PDZD2: variants seen among roughly 807,000 people sequenced by gnomAD.
PDZD2 encodes PDZ domain-containing protein 2.
A neutral mutation model predicts 220.7 loss-of-function variants in PDZD2; 90 were observed. The observed-to-expected ratio is 0.41, with a 90% CI of 0.34 to 0.49. The LOEUF is 0.49. Among genes scored for constraint, PDZD2 ranks in the 20% least tolerant of loss-of-function variants. The pLI, the probability that PDZD2 is intolerant of heterozygous loss-of-function variation, is 0.28. For missense variants in PDZD2, 3,174 were observed against 3,608.5 expected (o/e 0.88, Z 3.08); for synonymous variants, 1,375 against 1,450.5 (o/e 0.95, Z 1.18).
chr5:31,875,447 G>A (rs952995798), intron 2 of PDZD2, among the ~76,000 whole-genome samples: 5 of 151,664 alleles, frequency 3.3e-5, no homozygotes, highest in Admixed American at 2.0e-4. Flanking sequence ...TTAGCTGGGC[G>A]TGGTCGCTCA....
intron 2 of PDZD2, among the ~76,000 whole-genome samples, chr5:31,949,690 C>G (rs1380090640): frequency 1.6e-5 from 2 of 126,196 alleles, no homozygotes; most frequent in African/African-American, 3.0e-5. Context: ...TTTTTTTTAA[C>G]AAGACGGAAT....
chr5:31,779,866 T>C (rs1277678680), intron 1 of PDZD2, among the ~76,000 whole-genome samples: 1 of 152,100 alleles, frequency 6.6e-6, no homozygotes, highest in African/African-American at 2.4e-5. Flanking sequence ...CCATGATTAA[T>C]CTGTATTGTA....
chr5:31,648,100 T>G (rs1299183582), intron 1 of PDZD2, among the ~76,000 whole-genome samples: 1 of 152,228 alleles, frequency 6.6e-6, no homozygotes. Flanking sequence ...ACAACTGATA[T>G]TCATTGTTTT....
At chr5:32,031,283 G>C (rs1755094483) in intron 6 of PDZD2, among the ~76,000 whole-genome samples, 1 of 152,104 alleles carries the variant, frequency 6.6e-6, no homozygotes, top group African/African-American at 2.4e-5. Flanking sequence ...ATCAGACTCT[G>C]GAGTCTGTTG....
intron 1 of PDZD2, among the ~76,000 whole-genome samples, chr5:31,669,728 A>G (rs1428024893): frequency 6.6e-6 from 1 of 152,228 alleles, no homozygotes; most frequent in Non-Finnish European, 1.5e-5. Flanking sequence ...GGCTTTTTAC[A>G]TTCTACTCTT....
intron 2 of PDZD2, chr5:31,822,736 C>A (rs1278043359): frequency 1.7e-6 from 2 of 1,210,430 alleles, no homozygotes; most frequent in Non-Finnish European, 2.3e-6. Flanking sequence ...AGATACTGAA[C>A]AAGGAACACC....
chr5:31,812,466 T>A (rs1755181282), intron 2 of PDZD2, among the ~76,000 whole-genome samples: 1 of 152,118 alleles, frequency 6.6e-6, no homozygotes, highest in Non-Finnish European at 1.5e-5. Context: ...AACCCTCTTT[T>A]TTTTTTCTGT....
intron 1 of PDZD2, among the ~76,000 whole-genome samples, chr5:31,770,308 G>A (rs2150196950): frequency 6.6e-6 from 1 of 152,312 alleles, no homozygotes; most frequent in African/African-American, 2.4e-5. Context: ...TCCCAGGGCT[G>A]GGCTCAGAGA....
At chr5:32,107,932 T>C in intron 24 of PDZD2, 37 bp from the exon 25 acceptor site, 1 of 1,506,046 alleles carries the variant, frequency 6.6e-7, no homozygotes, top group Non-Finnish European at 9.1e-7. Flanking sequence ...ACTATGAAAC[T>C]GCCAAGCTAT....
chr5:32,021,641 C>G lies in PDZD2; in HGVS notation c.1407+11159C>G, dbSNP rs184005570. Among the ~76,000 whole-genome samples the G allele has an allele frequency of 1.2e-3, 190 of 152,272 alleles. 1 individual carries two copies. The highest frequency in any genetic ancestry group is 1.2e-3 in the Non-Finnish European group (82 of 68,024). ...AACTCCTCCACGCCTTCAGTAGTCT[C>G]TCCTTTCTCTGATTGCCAGTCTTAC... On this transcript the variant is annotated intron_variant, in intron 6 of 24. Coordinates refer to ENST00000438447, the MANE Select transcript of PDZD2 (RefSeq NM_178140.4).
chr5:31,914,032 T>C (rs562598159), intron 2 of PDZD2, among the ~76,000 whole-genome samples: 1 of 152,110 alleles, frequency 6.6e-6, no homozygotes, highest in Admixed American at 6.5e-5. Context: ...TGTCTGTAAC[T>C]CTTCAGTGGC....
intron 2 of PDZD2, among the ~76,000 whole-genome samples, chr5:31,962,105 G>GT (rs2111704949): frequency 6.6e-6 from 1 of 152,278 alleles, no homozygotes; most frequent in South Asian, 2.1e-4. Context: ...CCACACATTT[G>GT]TTTTTTGAAG....
chr5:31,948,372 G>C (rs1001081073), intron 2 of PDZD2, among the ~76,000 whole-genome samples: 3 of 152,124 alleles, frequency 2.0e-5, no homozygotes, highest in Non-Finnish European at 4.4e-5. Flanking sequence ...AGAATGGCAG[G>C]CTTTTCGACC....
chr5:31,898,671 C>T (rs1489561250), intron 2 of PDZD2, among the ~76,000 whole-genome samples: 1 of 152,178 alleles, frequency 6.6e-6, no homozygotes, highest in East Asian at 1.9e-4. Context: ...ATGCTGAGAG[C>T]TTCCTGAGCC....
At chr5:31,812,053 T>A (rs1190438662) in intron 2 of PDZD2, among the ~76,000 whole-genome samples, 2 of 151,942 alleles carry the variant, frequency 1.3e-5, no homozygotes, top group East Asian at 3.9e-4. Context: ...CAAGCTCTGT[T>A]AAGTACATGT....
At chr5:31,983,705 T>C in intron 3 of PDZD2, 49 bp downstream of exon 3, 1 of 1,544,730 alleles carries the variant, frequency 6.5e-7, no homozygotes, top group Non-Finnish European at 8.8e-7. Flanking sequence ...ATCGTGTGTG[T>C]TTGTTTGTTT....
In PDZD2 at chr5:31,917,846, A is replaced by G. The variant is rs145601127; in HGVS notation, c.477-65309A>G. On this transcript the variant is annotated intron_variant, in intron 2 of 24. Transcript: ENST00000438447. The stretch of plus-strand genomic sequence containing the variant: ...CAGCCTCTGCCTCCCAGGTTCAATC[A>G]ATTCTGTCTCAGCCTCCTGAGTAGA... 4.9e-3 allele frequency among the ~76,000 whole-genome samples: 745 copies of G among 152,154 alleles called. 6 individuals are homozygous for G. Among genetic ancestry groups the G allele is most frequent in the African/African-American group, 0.016 (673 of 41,498 alleles).
chr5:31,747,806 C>T (rs1750693760), intron 1 of PDZD2: 3 of 152,914 alleles, frequency 2.0e-5, no homozygotes, highest in South Asian at 4.1e-4. Flanking sequence ...GAGCTAGCTC[C>T]CCAATACTCC....
intron 6 of PDZD2, among the ~76,000 whole-genome samples, chr5:32,017,282 C>CA (rs887511661): frequency 2.4e-4 from 36 of 152,018 alleles, no homozygotes; most frequent in African/African-American, 7.7e-4. Context: ...ACTAAAAATA[C>CA]AAAAAAATTA....
Sources: allele counts gnomAD v4.1 joint callset (sites outside exome capture counted in the v4.1 genomes callset), GRCh38; gene constraint gnomAD v4.1.1; transcripts MANE v1.5; gene names NCBI Gene and HGNC (gene_info 2026-07-23, HGNC 2026-07-21).